Variants in TAB2 observed in about 807,000 individuals in gnomAD.
The protein encoded by TAB2 is TGF-beta-activated kinase 1 and MAP3K7-binding protein 2.
A neutral mutation model predicts 65.0 loss-of-function variants in TAB2; 3 were observed. That is an observed-to-expected ratio of 0.05 (90% confidence interval 0.02 to 0.12). TAB2 has a LOEUF of 0.12. TAB2 is among the 10% of genes least tolerant of loss of function. The pLI is 1.00. For synonymous variants in TAB2, 298 were observed against 285.1 expected, an observed-to-expected ratio of 1.05 and a Z score of -0.46; for missense variants, 623 against 840.3, an observed-to-expected ratio of 0.74 and a Z score of 3.20.
At chr6:149,368,300 C>T (rs139925652) in intron 1 of TAB2, among the ~76,000 whole-genome samples, 2 of 152,166 alleles carry the variant, frequency 1.3e-5, no homozygotes, top group Admixed American at 6.6e-5. Context: ...ACTGAGAACT[C>T]ACCATTGGGT....
intron 1 of TAB2, among the ~76,000 whole-genome samples, chr6:149,289,857 T>C (rs935379670): frequency 6.6e-6 from 1 of 152,116 alleles, no homozygotes; most frequent in Non-Finnish European, 1.5e-5. Context: ...ATTGGTTCTG[T>C]CCGGAAAGAA....
At chr6:149,306,336 C>T (rs1264566766) in intron 1 of TAB2, among the ~76,000 whole-genome samples, 2 of 151,900 alleles carry the variant, frequency 1.3e-5, no homozygotes, top group Non-Finnish European at 2.9e-5. Context: ...GTCAGGAGAT[C>T]GAGACCATCC....
chr6:149,396,833 T>G (rs1174824008), intron 3 of TAB2, among the ~76,000 whole-genome samples: 2 of 152,240 alleles, frequency 1.3e-5, no homozygotes, highest in African/African-American at 4.8e-5. Context: ...GTGAAATCAA[T>G]CTGCCTGTTT....
intron 1 of TAB2, among the ~76,000 whole-genome samples, chr6:149,293,024 G>T (rs1314900464): frequency 9.3e-5 from 14 of 151,164 alleles, no homozygotes; most frequent in African/African-American, 3.4e-4. Flanking sequence ...CAAGTTGGGA[G>T]TTTCCCGTTG....
At chr6:149,307,133 G>A (rs1000926655) in intron 1 of TAB2, among the ~76,000 whole-genome samples, 1 of 152,098 alleles carries the variant, frequency 6.6e-6, no homozygotes, top group Admixed American at 6.5e-5. Flanking sequence ...AGTGTTGTGA[G>A]TCATAGAACA....
chr6:149,346,082 A>G (rs2114791101), intron 1 of TAB2, among the ~76,000 whole-genome samples: 1 of 152,274 alleles, frequency 6.6e-6, no homozygotes, highest in East Asian at 1.9e-4. Flanking sequence ...TCTAGATTAG[A>G]TGCTTTAATT....
At chr6:149,360,185 C>G (rs1780796239) in intron 1 of TAB2, among the ~76,000 whole-genome samples, 2 of 151,538 alleles carry the variant, frequency 1.3e-5, no homozygotes, top group Non-Finnish European at 2.9e-5. Flanking sequence ...AAATGATAGC[C>G]TTTTTTTTCT....
At chr6:149,327,643 C>G (rs1233183180) in intron 1 of TAB2, among the ~76,000 whole-genome samples, 1 of 152,152 alleles carries the variant, frequency 6.6e-6, no homozygotes, top group Admixed American at 6.5e-5. Flanking sequence ...ATAAAAGTTG[C>G]TAGAAATACA....
chr6:149,378,956 A>G lies in TAB2; in HGVS notation c.1041A>G (p.Arg347=). ...NSSKLRSSGP[R]TSSTSSSVNS... ...CAAAACTGCGTTCTTCTGGACCTCG[A>G]ACCTCCAGCACTTCCTCTTCAGTCA... Residue 347 remains arginine (R), a synonymous_variant, in exon 3 of 7, where the codon CGA becomes CGG. Transcript: ENST00000637181. The G allele has an allele frequency of 6.2e-7, 1 of 1,614,196 alleles. No homozygotes were observed. Among genetic ancestry groups the G allele is most frequent in the Non-Finnish European group, 8.5e-7 (1 of 1,180,046 alleles).
At chr6:149,351,097 C>T (rs2114805594) in intron 1 of TAB2, among the ~76,000 whole-genome samples, 1 of 151,890 alleles carries the variant, frequency 6.6e-6, no homozygotes, top group South Asian at 2.1e-4. Context: ...ACTTTAAGTT[C>T]CTATGCTTCA....
intron 1 of TAB2, among the ~76,000 whole-genome samples, chr6:149,340,981 T>C (rs1162921632): frequency 6.6e-6 from 1 of 152,156 alleles, no homozygotes; most frequent in Non-Finnish European, 1.5e-5. Flanking sequence ...AACCCACTGT[T>C]CTATCAGTAA....
chr6:149,346,371 T>G (rs1780300104), intron 1 of TAB2: 1 of 151,866 alleles, frequency 6.6e-6, no homozygotes, highest in South Asian at 2.1e-4. Context: ...TGAGCAGAGT[T>G]ATATGAGATG....
At chr6:149,348,423 GGAAA>G (rs913943512) in intron 1 of TAB2, among the ~76,000 whole-genome samples, 4 of 150,534 alleles carry the variant, frequency 2.7e-5, no homozygotes, top group Non-Finnish European at 5.9e-5. Context: ...GGAGAAAGAA[GGAAA>G]GAAAGAAAGA....
chr6:149,317,901 G>A lies in TAB2; in HGVS notation c.-204G>A. 1 of 172,416 alleles carries A rather than the reference G, an allele frequency of 5.8e-6. No homozygotes were observed. The highest frequency in any genetic ancestry group is 1.2e-5 in the Non-Finnish European group (1 of 81,712). 10.7% of individuals were successfully genotyped at this position (172,416 alleles called of 1,614,324 possible). On this transcript the variant is annotated 5_prime_UTR_variant, in exon 1 of 7. Transcript: ENST00000637181. This position sits in a 1 kb window ranked among gnomAD's most constrained non-coding sequence, Gnocchi z 4.7. ...CTGCCGGGTGGAACCGGAGGCGGCGGCGGCGCTGGCGGCGGCCGTGGTGGC... is the reference window on the plus strand; with the variant it reads ...CTGCCGGGTGGAACCGGAGGCGGCGACGGCGCTGGCGGCGGCCGTGGTGGC...
chr6:149,314,593 C>G (rs1779218506), upstream of TAB2, among the ~76,000 whole-genome samples: 1 of 152,034 alleles, frequency 6.6e-6, no homozygotes, highest in Admixed American at 6.6e-5. Context: ...CAAAGTAATC[C>G]CTCTTCCCCT....
chr6:149,299,832 A>C (rs984427698), intron 1 of TAB2, among the ~76,000 whole-genome samples: 1 of 143,562 alleles, frequency 7.0e-6, no homozygotes, highest in Non-Finnish European at 1.5e-5. Context: ...AACATAGCAC[A>C]GTTCTACAAT....
chr6:149,400,499 G>A, intron 6 of TAB2: 1 of 1,614,222 alleles, frequency 6.2e-7, no homozygotes, highest in Non-Finnish European at 8.5e-7. Flanking sequence ...AGATTAAGAG[G>A]CAGACACCAC....
chr6:149,345,181 TA>T (rs139631338), intron 1 of TAB2, among the ~76,000 whole-genome samples: 8 of 148,046 alleles, frequency 5.4e-5, no homozygotes, highest in African/African-American at 7.4e-5. Context: ...AGCCTTTAGG[TA>T]AAAAAAAAAG....
In TAB2 at chr6:149,411,494, T is replaced by C. The variant is rs1332826892; in HGVS notation, c.*1775T>C. 2 of 152,908 alleles carry C rather than the reference T, an allele frequency of 1.3e-5. No homozygotes were observed. The highest frequency in any genetic ancestry group is 2.9e-5 in the Non-Finnish European group (2 of 68,046). 9.5% of individuals were successfully genotyped at this position (152,908 alleles called of 1,614,324 possible). ...ATTGATAAATCAGTTTTTACTTGTT[T>C]TATTAATAAAACGTAATTTGGATAT... On this transcript the variant is annotated 3_prime_UTR_variant, in exon 7 of 7. Coordinates refer to ENST00000637181, the MANE Select transcript of TAB2 (RefSeq NM_001292034.3).
Sources: gnomAD v4.1 joint callset for allele counts (sites outside exome capture counted in the v4.1 genomes callset) on GRCh38, gnomAD v4.1.1 for gene constraint, Gnocchi (gnomAD v3.1) non-coding constraint, MANE v1.5 for transcripts, NCBI Gene and HGNC (gene_info 2026-07-23, HGNC 2026-07-21) for gene names.